Variants in SOX5 observed in about 807,000 individuals in gnomAD.
SOX5 encodes the protein transcription factor SOX-5.
Under a neutral mutation model 92.0 loss-of-function variants are expected in SOX5, and 9 were observed. That is an observed-to-expected ratio of 0.10 (90% CI 0.06 to 0.17). The LOEUF (loss-of-function observed/expected upper bound fraction) is 0.17. Ranked by LOEUF, SOX5 falls within the 10% of genes least tolerant of loss-of-function variation. The pLI, the probability that SOX5 is intolerant of heterozygous loss-of-function variation, is 1.00. For synonymous variants in SOX5, 344 were observed against 336.3 expected (o/e 1.02, Z -0.25); for missense variants, 642 against 944.5 (o/e 0.68, Z 4.20).
chr12:24,443,564 A>G (rs1940999044), intron 1 of SOX5, among the ~76,000 whole-genome samples: 1 of 152,256 alleles, frequency 6.6e-6, no homozygotes, highest in African/African-American at 2.4e-5. Context: ...TGCATTGTTG[A>G]CACAGTCAAG....
At chr12:23,719,237 G>A (rs1217846230) in intron 6 of SOX5, among the ~76,000 whole-genome samples, 2 of 152,026 alleles carry the variant, frequency 1.3e-5, no homozygotes, top group African/African-American at 4.8e-5. Context: ...CAGATTTATT[G>A]GATGAATCAG....
At chr12:23,782,435 G>A (rs990688475) in intron 3 of SOX5, among the ~76,000 whole-genome samples, 6 of 152,128 alleles carry the variant, frequency 3.9e-5, no homozygotes, top group South Asian at 2.1e-4. Flanking sequence ...AGAATTTAAC[G>A]TAACCTTGTT....
chr12:24,529,002 G>A (rs1950946028), intron 1 of SOX5, among the ~76,000 whole-genome samples: 1 of 152,128 alleles, frequency 6.6e-6, no homozygotes, highest in South Asian at 2.1e-4. Context: ...ATCCCTTTGA[G>A]CAATCTTGTG....
chr12:23,697,676 G>A (rs755238086), intron 6 of SOX5, among the ~76,000 whole-genome samples: 2 of 151,960 alleles, frequency 1.3e-5, no homozygotes, highest in African/African-American at 4.8e-5. Flanking sequence ...TCAGCCTCAC[G>A]AGCAGCTGGG....
chr12:23,864,834 C>T (rs188975643), intron 2 of SOX5, among the ~76,000 whole-genome samples: 456 of 152,218 alleles, frequency 3.0e-3, no homozygotes, highest in Non-Finnish European at 5.1e-3. Flanking sequence ...ATCCAGAAGA[C>T]CTAGCTAAGA....
intron 4 of SOX5, among the ~76,000 whole-genome samples, chr12:24,043,742 C>T (rs1045644976): frequency 9.2e-5 from 14 of 152,110 alleles, no homozygotes; most frequent in African/African-American, 3.4e-4. Context: ...TATGGAATTA[C>T]TCATAAAATT....
intron 4 of SOX5, among the ~76,000 whole-genome samples, chr12:23,996,171 T>C (rs1043373338): frequency 5.3e-5 from 8 of 152,142 alleles, no homozygotes; most frequent in African/African-American, 1.9e-4. Context: ...AAACTTAAAT[T>C]CCAGAGACCT....
At chr12:24,143,835 G>A (rs1950813398) in intron 4 of SOX5, among the ~76,000 whole-genome samples, 1 of 151,080 alleles carries the variant, frequency 6.6e-6, no homozygotes, top group Admixed American at 6.6e-5. Context: ...AGAAAGAGGA[G>A]GAGGAAGAGG....
At chr12:23,896,937 C>G (rs2097183811) in intron 1 of SOX5, among the ~76,000 whole-genome samples, 1 of 151,996 alleles carries the variant, frequency 6.6e-6, no homozygotes, top group East Asian at 1.9e-4. Context: ...GTACGTGAGT[C>G]TGATTCAGAA....
At chr12:23,970,841 A>ATATT in intron 4 of SOX5, among the ~76,000 whole-genome samples, 6 of 21,866 alleles carry the variant, frequency 2.7e-4, no homozygotes, top group African/African-American at 7.5e-4. Flanking sequence ...TATATATATA[A>ATATT]TTTTTTTTTT....
At chr12:24,395,089 A>G (rs962633482) in intron 1 of SOX5, among the ~76,000 whole-genome samples, 1 of 152,120 alleles carries the variant, frequency 6.6e-6, no homozygotes, top group Non-Finnish European at 1.5e-5. Flanking sequence ...TTTATTATAC[A>G]TTTCTTAGAA....
chr12:24,245,012 G>A (rs945342670), intron 3 of SOX5, among the ~76,000 whole-genome samples: 3 of 152,052 alleles, frequency 2.0e-5, no homozygotes, highest in African/African-American at 7.2e-5. Context: ...TATTCACCTA[G>A]TTATATCTGA....
intron 4 of SOX5, among the ~76,000 whole-genome samples, chr12:24,180,520 C>T (rs1955371863): frequency 6.6e-6 from 1 of 152,148 alleles, no homozygotes; most frequent in African/African-American, 2.4e-5. Context: ...CCTTTCCCAG[C>T]ATTCGTTTAG....
chr12:23,621,497 T>TAGAAAAAATCACTGTTTTCCAAGACCAC (rs2077176183), intron 8 of SOX5, among the ~76,000 whole-genome samples: 1 of 152,116 alleles, frequency 6.6e-6, no homozygotes, highest in African/African-American at 2.4e-5. Flanking sequence ...AAGAGGGCGT[T>TAGAAAAAATCACTGTTTTCCAAGACCAC]AGAAAAAATC....
At chr12:24,022,077 A>AT (rs1954356629) in intron 4 of SOX5, among the ~76,000 whole-genome samples, 1 of 152,204 alleles carries the variant, frequency 6.6e-6, no homozygotes, top group Non-Finnish European at 1.5e-5. Flanking sequence ...AATAGCAGAC[A>AT]ACATTCTTGC....
intron 4 of SOX5, among the ~76,000 whole-genome samples, chr12:23,982,941 G>A (rs1272941149): frequency 6.6e-6 from 1 of 152,024 alleles, no homozygotes; most frequent in African/African-American, 2.4e-5. Flanking sequence ...GCAGCCACTG[G>A]CTACTCTATG....
intron 4 of SOX5, among the ~76,000 whole-genome samples, chr12:24,141,995 A>C (rs1375298059): frequency 1.3e-5 from 2 of 151,926 alleles, no homozygotes; most frequent in East Asian, 3.9e-4. Context: ...CTCTGTACTA[A>C]AATATCCAGG....
chr12:24,244,591 A>T (rs1265890935), intron 3 of SOX5, among the ~76,000 whole-genome samples: 3 of 152,232 alleles, frequency 2.0e-5, no homozygotes, highest in African/African-American at 7.2e-5. Context: ...GTGAGGCACT[A>T]TTGTGCCATC....
At chr12:24,265,909 T>C (rs1044646687) in intron 3 of SOX5, among the ~76,000 whole-genome samples, 3 of 152,158 alleles carry the variant, frequency 2.0e-5, no homozygotes, top group African/African-American at 7.2e-5. Context: ...ACCAGAGTCT[T>C]ATATTTCTTG....
Sources: gnomAD v4.1 joint callset for allele counts (sites outside exome capture counted in the v4.1 genomes callset) on GRCh38, gnomAD v4.1.1 for gene constraint, MANE v1.5 for transcripts, NCBI Gene and HGNC (gene_info 2026-07-23, HGNC 2026-07-21) for gene names.